TANGO6: variants seen among roughly 807,000 people sequenced by gnomAD.
TANGO6 encodes transport and golgi organization 6 homolog, also known as transport and Golgi organization protein 6 homolog.
Under a neutral mutation model 114.2 loss-of-function variants are expected in TANGO6, and 90 were observed. That is an observed-to-expected ratio of 0.79 (90% confidence interval 0.66 to 0.94). The LOEUF (loss-of-function observed/expected upper bound fraction) is 0.94. TANGO6 is among the 40% of genes least tolerant of loss of function. The pLI, the probability that TANGO6 is intolerant of heterozygous loss-of-function variation, is 0.00. For missense variants in TANGO6, 1,274 were observed against 1,315.3 expected (o/e 0.97, Z 0.49); for synonymous variants, 477 against 509.8 (o/e 0.94, Z 0.87).
chr16:68,906,907 C>T (rs543449731), intron 9 of TANGO6, among the ~76,000 whole-genome samples: 1 of 151,812 alleles, frequency 6.6e-6, no homozygotes, highest in East Asian at 1.9e-4. Context: ...GATTCTCCTG[C>T]CTTAGCCTCC....
chr16:69,012,289 G>A (rs1159606287), intron 15 of TANGO6, among the ~76,000 whole-genome samples: 4 of 152,122 alleles, frequency 2.6e-5, no homozygotes, highest in South Asian at 4.1e-4. Flanking sequence ...GGGCACGGTG[G>A]CTCACGCCTG....
chr16:68,977,129 C>T (rs576422511), intron 15 of TANGO6, among the ~76,000 whole-genome samples: 48 of 152,224 alleles, frequency 3.2e-4, no homozygotes, highest in African/African-American at 1.1e-3. Flanking sequence ...CCTTCATCAG[C>T]ACTTCAGAGG....
intron 2 of TANGO6, among the ~76,000 whole-genome samples, chr16:68,860,858 A>G (rs1055109172): frequency 6.6e-6 from 1 of 152,132 alleles, no homozygotes; most frequent in Non-Finnish European, 1.5e-5. Context: ...GATTAAGGAT[A>G]ATGTGTGTCA....
chr16:69,032,245 G>GTTCATTCATTCA lies in TANGO6; in HGVS notation c.2995-8056_2995-8045dup, dbSNP rs537812204. On this transcript the variant is annotated intron_variant, in intron 16 of 17. Transcript: ENST00000261778. ...AGAATGAAATGATCTAACTTCATTC[G>GTTCATTCATTCA]TTCATTCATTCATTCATTTATTCAT... Among the ~76,000 whole-genome samples, 1,366 of 152,064 alleles carry GTTCATTCATTCA rather than the reference G, an allele frequency of 9.0e-3. 20 individuals carry two copies. Among genetic ancestry groups the GTTCATTCATTCA allele is most frequent in the African/African-American group, 0.031 (1,296 of 41,536 alleles).
intron 14 of TANGO6, among the ~76,000 whole-genome samples, chr16:68,934,451 A>T (rs910391013): frequency 2.0e-5 from 3 of 152,200 alleles, no homozygotes; most frequent in Non-Finnish European, 1.5e-5. Flanking sequence ...AGAATTATTC[A>T]AAGAGACAAA....
intron 17 of TANGO6, among the ~76,000 whole-genome samples, chr16:69,070,632 C>T (rs942480294): frequency 1.1e-5 from 1 of 87,072 alleles, no homozygotes; most frequent in African/African-American, 4.4e-5. Context: ...GACTCCATCT[C>T]AAAAAAAAAA....
intron 11 of TANGO6, among the ~76,000 whole-genome samples, chr16:68,910,291 G>C (rs1238689606): frequency 6.6e-6 from 1 of 152,194 alleles, no homozygotes; most frequent in Non-Finnish European, 1.5e-5. Context: ...TACCGTGCCT[G>C]TTTAATGAGA....
intron 16 of TANGO6, among the ~76,000 whole-genome samples, chr16:69,024,330 G>A (rs1236101766): frequency 2.0e-5 from 3 of 149,124 alleles, no homozygotes; most frequent in Non-Finnish European, 4.5e-5. Flanking sequence ...GCAGTGGCAC[G>A]ATCTCGGCTT....
In TANGO6 at chr16:69,083,886, T is replaced by A. The variant is rs1960503187; in HGVS notation, c.*225T>A. The stretch of plus-strand genomic sequence containing the variant: ...GGGTGTACAGTTAAGAGAAGACAGT[T>A]ACAGATCTCATTAATCTACATTTTT... On this transcript the variant is annotated 3_prime_UTR_variant, in exon 18 of 18. Coordinates refer to ENST00000261778, the MANE Select transcript of TANGO6 (RefSeq NM_024562.2). 2.2e-6 allele frequency: 1 copy of A among 454,616 alleles called. No individual in the cohort carries two copies. Among genetic ancestry groups the A allele is most frequent in the African/African-American group, 2.0e-5 (1 of 50,720 alleles). The allele number at this position is 454,616 out of a possible 1,614,324, so 28.2% of individuals were successfully genotyped here. A position where few individuals can be genotyped will look rare whatever the true frequency, so the allele number is the denominator to read the frequency against.
intron 14 of TANGO6, among the ~76,000 whole-genome samples, chr16:68,943,455 C>T (rs1470604199): frequency 6.6e-6 from 1 of 151,156 alleles, no homozygotes; most frequent in Non-Finnish European, 1.5e-5. Flanking sequence ...GCTCCGCCTC[C>T]TGGGTTCACA....
At chr16:69,073,173 A>G (rs924923701) in intron 17 of TANGO6, among the ~76,000 whole-genome samples, 2 of 152,062 alleles carry the variant, frequency 1.3e-5, no homozygotes, top group African/African-American at 4.8e-5. Flanking sequence ...CTGCATAGCA[A>G]GCATGCTGGT....
At chr16:68,877,521 C>A (rs1239351208) in intron 5 of TANGO6, among the ~76,000 whole-genome samples, 1 of 151,074 alleles carries the variant, frequency 6.6e-6, no homozygotes, top group Non-Finnish European at 1.5e-5. Flanking sequence ...TCTTAATATT[C>A]CCTATGCGTA....
intron 17 of TANGO6, among the ~76,000 whole-genome samples, chr16:69,044,820 C>T (rs892754322): frequency 1.3e-5 from 2 of 152,042 alleles, no homozygotes; most frequent in South Asian, 2.1e-4. Flanking sequence ...AGTTCAAGAC[C>T]AGCCAGGGCT....
At chr16:69,064,519 G>A (rs954947433) in intron 17 of TANGO6, among the ~76,000 whole-genome samples, 2 of 152,112 alleles carry the variant, frequency 1.3e-5, no homozygotes, top group African/African-American at 2.4e-5. Flanking sequence ...CACCAGCCAG[G>A]CACCATCCAA....
At chr16:68,913,374 G>A (rs1962953763) in intron 11 of TANGO6, among the ~76,000 whole-genome samples, 2 of 150,326 alleles carry the variant, frequency 1.3e-5, no homozygotes, top group Non-Finnish European at 3.0e-5. Flanking sequence ...AAGCCAAGAA[G>A]CACACTACTA....
At chr16:69,018,867 G>A (rs967476201) in intron 15 of TANGO6, among the ~76,000 whole-genome samples, 27 of 152,126 alleles carry the variant, frequency 1.8e-4, no homozygotes, top group African/African-American at 2.4e-5. Context: ...CCAAGATCAC[G>A]CCACTGCACT....
chr16:69,063,199 G>A (rs1196555032), intron 17 of TANGO6, among the ~76,000 whole-genome samples: 2 of 150,528 alleles, frequency 1.3e-5, no homozygotes, highest in African/African-American at 2.4e-5. Flanking sequence ...CTCCAGCCCG[G>A]GTGACAGAGC....
At chr16:69,054,018 T>C (rs1207735542) in intron 17 of TANGO6, among the ~76,000 whole-genome samples, 1 of 151,974 alleles carries the variant, frequency 6.6e-6, no homozygotes, top group East Asian at 1.9e-4. Context: ...TAAGCTGAGA[T>C]CACTCCATTG....
intron 15 of TANGO6, among the ~76,000 whole-genome samples, chr16:68,995,545 G>A (rs1398834121): frequency 6.6e-6 from 1 of 152,180 alleles, no homozygotes; most frequent in Admixed American, 6.6e-5. Flanking sequence ...TTAGGAAATC[G>A]GAAGTGTTCC....
Sources: gnomAD v4.1 joint callset for allele counts (sites outside exome capture counted in the v4.1 genomes callset) on GRCh38, gnomAD v4.1.1 for gene constraint, MANE v1.5 for transcripts, NCBI Gene and HGNC (gene_info 2026-07-23, HGNC 2026-07-21) for gene names.